KCNN2: variants seen among roughly 807,000 people sequenced by gnomAD.
KCNN2 encodes the protein small conductance calcium-activated potassium channel protein 2.
KCNN2 carries 24 observed loss-of-function variants against 55.5 expected under a neutral mutation model. The ratio of observed to expected loss-of-function variants is 0.43; its 90% CI spans 0.31 to 0.61. KCNN2 has a LOEUF of 0.61. Ranked by LOEUF, KCNN2 falls within the 20% of genes least tolerant of loss-of-function variation. The pLI is 0.08. For missense variants in KCNN2, 754 were observed against 853.6 expected (o/e 0.88, Z 1.45); for synonymous variants, 431 against 336.1 (o/e 1.28, Z -3.09).
intron 2 of KCNN2, among the ~76,000 whole-genome samples, chr5:114,244,626 G>A (rs1754715857): frequency 1.3e-5 from 2 of 151,770 alleles, no homozygotes; most frequent in South Asian, 2.1e-4. Flanking sequence ...GGGGGAGTGT[G>A]GAGGGGAGAG....
intron 1 of KCNN2, among the ~76,000 whole-genome samples, chr5:114,219,128 C>T (rs1754074527): frequency 6.6e-6 from 1 of 152,232 alleles, no homozygotes; most frequent in Non-Finnish European, 1.5e-5. Flanking sequence ...TTTGCAGGCC[C>T]TGCAGCAGCA....
chr5:114,121,571 C>G (rs116664112), intron 1 of KCNN2, among the ~76,000 whole-genome samples: 5,907 of 152,240 alleles, frequency 0.039, 158 homozygotes, highest in Non-Finnish European at 0.06. Flanking sequence ...CGTCCTTTAC[C>G]CATAACCCCC....
chr5:114,197,634 G>T (rs1753586760), intron 1 of KCNN2, among the ~76,000 whole-genome samples: 1 of 152,094 alleles, frequency 6.6e-6, no homozygotes, highest in African/African-American at 2.4e-5. Flanking sequence ...CAGTCTTTTT[G>T]GTCTCACCTG....
chr5:114,301,582 C>T (rs1243375244), intron 2 of KCNN2, among the ~76,000 whole-genome samples: 1 of 152,088 alleles, frequency 6.6e-6, no homozygotes, highest in Non-Finnish European at 1.5e-5. Context: ...GAACTGTTTC[C>T]AGCTACCCAC....
intron 2 of KCNN2, among the ~76,000 whole-genome samples, chr5:114,261,176 T>G (rs2150004301): frequency 6.6e-6 from 1 of 152,310 alleles, no homozygotes; most frequent in East Asian, 1.9e-4. Context: ...GAAAATGATT[T>G]CAATATCACT....
chr5:114,104,964 C>G (rs1201368811), intron 1 of KCNN2, among the ~76,000 whole-genome samples: 1 of 152,028 alleles, frequency 6.6e-6, no homozygotes, highest in Non-Finnish European at 1.5e-5. Context: ...CTGGAGGCCA[C>G]AAGAGGTTAA....
intron 2 of KCNN2, among the ~76,000 whole-genome samples, chr5:114,279,432 T>A (rs1220889965): frequency 1.3e-5 from 2 of 152,168 alleles, no homozygotes; most frequent in Non-Finnish European, 2.9e-5. Flanking sequence ...GTATATCTCC[T>A]AATGCTATCC....
intron 5 of KCNN2, among the ~76,000 whole-genome samples, chr5:114,481,413 A>G (rs900812204): frequency 6.6e-6 from 1 of 152,152 alleles, no homozygotes; most frequent in Non-Finnish European, 1.5e-5. Flanking sequence ...GAAAATAGCC[A>G]TACTGCCCAT....
intron 6 of KCNN2, among the ~76,000 whole-genome samples, chr5:114,490,889 T>A (rs1355936750): frequency 1.3e-5 from 2 of 152,172 alleles, no homozygotes; most frequent in Non-Finnish European, 2.9e-5. Flanking sequence ...CTTTTTCTTT[T>A]TTGGGGGGAA....
At chr5:114,382,861 C>T (rs1758167950) in intron 2 of KCNN2, among the ~76,000 whole-genome samples, 1 of 152,214 alleles carries the variant, frequency 6.6e-6, no homozygotes, top group Non-Finnish European at 1.5e-5. Context: ...GGCCTGTCTG[C>T]TCATGTTCAG....
intron 1 of KCNN2, among the ~76,000 whole-genome samples, chr5:114,118,367 A>G (rs989280390): frequency 1.3e-5 from 2 of 152,140 alleles, no homozygotes; most frequent in African/African-American, 2.4e-5. Context: ...GCTCATTCCA[A>G]TTATGGAGGC....
intron 1 of KCNN2, among the ~76,000 whole-genome samples, chr5:114,113,222 C>G (rs1035395907): frequency 1.3e-5 from 2 of 152,028 alleles, no homozygotes; most frequent in African/African-American, 2.4e-5. Flanking sequence ...GTTAAAGTCT[C>G]TCTTGCTACT....
chr5:114,363,323 C>G, intron 1 of KCNN2, 62 bp downstream of exon 1: 1 of 1,475,160 alleles, frequency 6.8e-7, no homozygotes, highest in Non-Finnish European at 9.0e-7. Flanking sequence ...GGGATGGGCA[C>G]TGGCGGGGAC....
intron 2 of KCNN2, among the ~76,000 whole-genome samples, chr5:114,380,941 C>T (rs142972920): frequency 6.6e-6 from 1 of 152,150 alleles, no homozygotes; most frequent in African/African-American, 2.4e-5. Flanking sequence ...GCTGAGCAGC[C>T]TCGTGAACAG....
At chr5:114,104,141 G>A (rs149198759) in intron 1 of KCNN2, among the ~76,000 whole-genome samples, 1 of 151,906 alleles carries the variant, frequency 6.6e-6, no homozygotes, top group African/African-American at 2.4e-5. Context: ...ACTTCTTTCT[G>A]GTTTAGTTTT....
At chr5:114,109,072 T>A (rs531881945) in intron 1 of KCNN2, among the ~76,000 whole-genome samples, 46 of 152,172 alleles carry the variant, frequency 3.0e-4, no homozygotes, top group African/African-American at 1.1e-3. Context: ...TCAGGATCTC[T>A]CAGAAGTCTC....
intron 1 of KCNN2, among the ~76,000 whole-genome samples, chr5:114,076,991 G>A (rs1021852828): frequency 3.9e-5 from 6 of 152,136 alleles, no homozygotes; most frequent in Non-Finnish European, 7.4e-5. Flanking sequence ...CACCGCGCCC[G>A]GCCAAGAACT....
At chr5:114,084,094 A>T (rs529080649) in intron 1 of KCNN2, among the ~76,000 whole-genome samples, 3 of 152,074 alleles carry the variant, frequency 2.0e-5, no homozygotes, top group Non-Finnish European at 4.4e-5. Context: ...AGGATATCTT[A>T]GTTGCTTCGT....
At chr5:114,214,869 G>A (rs900656034) in intron 1 of KCNN2, among the ~76,000 whole-genome samples, 1 of 152,102 alleles carries the variant, frequency 6.6e-6, no homozygotes, top group Non-Finnish European at 1.5e-5. Context: ...ATCGAAAAGA[G>A]TAATTTAGTA....
Sources: gnomAD v4.1 joint callset for allele counts (sites outside exome capture counted in the v4.1 genomes callset) on GRCh38, gnomAD v4.1.1 for gene constraint, MANE v1.5 for transcripts, NCBI Gene and HGNC (gene_info 2026-07-23, HGNC 2026-07-21) for gene names.